Variants in PRG4 observed in about 807,000 individuals in gnomAD.
PRG4 encodes proteoglycan 4.
In PRG4, 61 loss-of-function variants were observed where a neutral mutation model predicts 91.2. The observed-to-expected ratio is 0.67, with a 90% confidence interval of 0.54 to 0.83. The LOEUF is 0.83. Ranked by LOEUF, PRG4 falls within the 40% of genes least tolerant of loss-of-function variation. The pLI is 0.00. For synonymous variants in PRG4, 576 were observed against 614.2 expected, an observed-to-expected ratio of 0.94 and a Z score of 0.92; for missense variants, 1,564 against 1,714.2, an observed-to-expected ratio of 0.91 and a Z score of 1.55.
At position 186,306,639 on chromosome 1, in the gene PRG4, C is replaced by A; in HGVS notation, c.920C>A (p.Ala307Asp). ...GATGGAAAAGAGAAGACTACTTCCG[C>A]TAAAGAGACACAAAGTATAGAGAAA... ...STDGKEKTTSAKETQSIEKTS... is the reference protein window; with the variant it reads ...STDGKEKTTSDKETQSIEKTS... Residue 307 changes from alanine to aspartate, a missense_variant, in exon 7 of 13, where the codon GCT (alanine) becomes GAT (aspartate). Ala to Asp is a moderately radical substitution (Grantham distance 126, BLOSUM62 -2). Coordinates refer to ENST00000445192, the MANE Select transcript of PRG4 (RefSeq NM_005807.6). 2 of 1,613,552 alleles carry A rather than the reference C, an allele frequency of 1.2e-6. No homozygotes were observed. Among genetic ancestry groups the A allele is most frequent in the Non-Finnish European group, 1.7e-6 (2 of 1,179,682 alleles).
rs558034730 is a variant in PRG4 at position 186,306,357 on chromosome 1, C to T, written c.638C>T (p.Thr213Ile). Reference sequence around the variant, plus strand: ...AAGAACAGAACTAAAAAGAAACCTACCCCCAAACCACCAGTTGTAGATGAA... The same window carrying T: ...AAGAACAGAACTAAAAAGAAACCTATCCCCAAACCACCAGTTGTAGATGAA... ...NKKNRTKKKP[T>I]PKPPVVDEAG... Residue 213 changes from threonine (T) to isoleucine (I), a missense_variant, in exon 7 of 13, where the codon ACC (threonine) becomes ATC (isoleucine). By Grantham distance (89) the Thr-to-Ile change is moderately conservative. This residue lies in a region of PRG4 where 437 missense variants were observed against 459.0 expected (regional missense o/e 0.95). Coordinates refer to ENST00000445192, the MANE Select transcript of PRG4 (RefSeq NM_005807.6). The T allele has an allele frequency of 5.0e-6, 8 of 1,608,872 alleles. No homozygotes were observed. Among genetic ancestry groups the T allele is most frequent in the Middle Eastern group, 1.7e-4 (1 of 6,058 alleles).
intron 3 of PRG4, among the ~76,000 whole-genome samples, chr1:186,300,610 A>G (rs1332740304): frequency 1.3e-5 from 2 of 152,258 alleles, no homozygotes; most frequent in Non-Finnish European, 2.9e-5. Flanking sequence ...AGGACTTTCA[A>G]TAGTTTCATC....
chr1:186,304,653 G>A (rs1656429634), intron 5 of PRG4, 141 bp from the exon 6 acceptor site: 1 of 1,009,096 alleles, frequency 9.9e-7, no homozygotes, highest in Admixed American at 2.2e-5. Context: ...AGATTAAAAG[G>A]CAGTTGGTCA....
chr1:186,298,692 T>C (rs1656008878), intron 2 of PRG4, among the ~76,000 whole-genome samples: 1 of 152,012 alleles, frequency 6.6e-6, no homozygotes, highest in Non-Finnish European at 1.5e-5. Context: ...GTTTTCACCA[T>C]GTTGGCCAGG....
chr1:186,304,044 TC>T, intron 4 of PRG4, 63 bp from the exon 5 acceptor site: 7 of 1,566,064 alleles, frequency 4.5e-6, no homozygotes, highest in Non-Finnish European at 6.2e-6. Context: ...TCTGTGCTTT[TC>T]ACAGTTAGAG....
At chr1:186,310,054 A>G (rs942467860) in intron 8 of PRG4, among the ~76,000 whole-genome samples, 184 bp downstream of exon 8, 1 of 149,222 alleles carries the variant, frequency 6.7e-6, no homozygotes, top group South Asian at 2.2e-4. Context: ...AGACAAAGTA[A>G]CAAAACAAAA....
chr1:186,313,056 C>A, intron 12 of PRG4, 162 bp downstream of exon 12: 3 of 735,174 alleles, frequency 4.1e-6, no homozygotes, highest in Non-Finnish European at 6.7e-6. Flanking sequence ...GCTTTAATTT[C>A]AATTAAAATG....
At position 186,301,694 on chromosome 1, in the gene PRG4, A is replaced by G. The variant is rs1656229560; in HGVS notation, c.302A>G (p.Glu101Gly). The change falls in exon 4 of 13, where the codon GAG becomes GGG. Residue 101 changes from glutamate (E) to glycine (G), a missense_variant. Coordinates refer to ENST00000445192, the MANE Select transcript of PRG4 (RefSeq NM_005807.6). Reference sequence around the variant, plus strand: ...TATGACAAGTGCTGTCCCGATTATGAGAGTTTCTGTGCAGAAGGTAAGCAT... The same window carrying G: ...TATGACAAGTGCTGTCCCGATTATGGGAGTTTCTGTGCAGAAGGTAAGCAT... ...KKYDKCCPDY[E>G]SFCAEVHNPT... 6.2e-7 allele frequency: 1 copy of G among 1,613,800 alleles called. No individual in the cohort carries two copies. Among genetic ancestry groups the G allele is most frequent in the South Asian group, 1.1e-5 (1 of 91,080 alleles).
chr1:186,301,784 A>G (rs1003406746), intron 4 of PRG4, 73 bp downstream of exon 4: 23 of 1,535,244 alleles, frequency 1.5e-5, no homozygotes, highest in Non-Finnish European at 2.0e-5. Context: ...ATCACTGATA[A>G]TGTCTAACAC....
At chr1:186,299,594 C>A (rs1656070978) in intron 2 of PRG4, among the ~76,000 whole-genome samples, 2 of 152,112 alleles carry the variant, frequency 1.3e-5, no homozygotes, top group South Asian at 4.1e-4. Flanking sequence ...CCTATGATGC[C>A]AATATACTGG....
chr1:186,313,869 G>A lies in PRG4; in HGVS notation c.*91G>A. The stretch of plus-strand genomic sequence containing the variant: ...TTTTATTAATAAAGAATATTGACAT[G>A]AGTATACCAGTTTATATATAAAAAT... On this transcript the variant is annotated 3_prime_UTR_variant, in exon 13 of 13. Coordinates refer to ENST00000445192, the MANE Select transcript of PRG4 (RefSeq NM_005807.6). 3 of 1,452,092 alleles carry A rather than the reference G, an allele frequency of 2.1e-6. No homozygotes were observed. The highest frequency in any genetic ancestry group is 2.9e-6 in the Non-Finnish European group (3 of 1,034,670). The allele number at this position is 1,452,092 out of a possible 1,614,324, so 90.0% of individuals were successfully genotyped here. A position where few individuals can be genotyped will look rare whatever the true frequency, so the allele number is the denominator to read the frequency against.
In PRG4 at chr1:186,310,657, A is replaced by ATTTT. The variant is rs746583527; in HGVS notation, c.3500-371_3500-368dup. ...ACCACCATGCCTGGCTAATTTTTGTATTTTTTTTTGTATTTTTTTTTTTTT... is the reference window on the plus strand; with the variant it reads ...ACCACCATGCCTGGCTAATTTTTGTATTTTTTTTTTTTTGTATTTTTTTTTTTTT... On this transcript the variant is annotated intron_variant, in intron 8 of 12. Coordinates refer to ENST00000445192, the MANE Select transcript of PRG4 (RefSeq NM_005807.6). 2.5e-3 allele frequency among the ~76,000 whole-genome samples: 335 copies of ATTTT among 135,778 alleles called. 4 individuals carry two copies. Among genetic ancestry groups the ATTTT allele is most frequent in the Non-Finnish European group, 3.0e-3 (194 of 64,084 alleles). The allele number at this position is 135,778 out of a possible 152,430, so 89.1% of individuals were successfully genotyped here. A position where few individuals can be genotyped will look rare whatever the true frequency, so the allele number is the denominator to read the frequency against.
Position 186,309,832 on chromosome 1 carries a change from T to G in PRG4, c.3461T>G (p.Leu1154Arg), listed in dbSNP as rs1306187214. ...NICNGKPVDGLTTLRNGTLVA... is the reference protein window; with the variant it reads ...NICNGKPVDGRTTLRNGTLVA... ...TGCAATGGTAAGCCAGTAGATGGAC[T>G]GACTACTTTGCGCAATGGGACATTA... The change falls in exon 8 of 13, where the codon CTG (leucine) becomes CGG (arginine). Residue 1154 changes from leucine to arginine, a missense_variant. Leu to Arg is a moderately radical substitution (Grantham distance 102). Coordinates refer to ENST00000445192, the MANE Select transcript of PRG4 (RefSeq NM_005807.6). 2 of 1,613,860 alleles carry G rather than the reference T, an allele frequency of 1.2e-6. No homozygotes were observed. Among genetic ancestry groups the G allele is most frequent in the Non-Finnish European group, 1.7e-6 (2 of 1,179,814 alleles).
intron 7 of PRG4, 41 bp from the exon 8 acceptor site, chr1:186,309,752 A>G (rs775289313): frequency 7.2e-7 from 1 of 1,396,302 alleles, no homozygotes; most frequent in Admixed American, 1.7e-5. Context: ...GACTTTTCTC[A>G]TTCTGTTCTA....
intron 12 of PRG4, 54 bp from the exon 13 acceptor site, chr1:186,313,627 T>C (rs1414022732): frequency 2.0e-6 from 2 of 1,023,846 alleles, no homozygotes; most frequent in Non-Finnish European, 3.1e-6. Context: ...AGTTATTTTT[T>C]AGTTTGGGCA....
intron 4 of PRG4, 30 bp from the exon 5 acceptor site, chr1:186,304,078 T>G (rs779636714): frequency 1.2e-6 from 2 of 1,611,592 alleles, no homozygotes; most frequent in African/African-American, 2.7e-5. Flanking sequence ...ATAAACAAGA[T>G]GTTAACTGAC....
At chr1:186,312,031 C>A in intron 10 of PRG4, 144 bp from the exon 11 acceptor site, 1 of 655,316 alleles carries the variant, frequency 1.5e-6, no homozygotes, top group Non-Finnish European at 2.6e-6. Flanking sequence ...ATACCCTTGA[C>A]TAATAGCCAT....
chr1:186,309,644 T>C (rs969411456), intron 7 of PRG4, 149 bp from the exon 8 acceptor site: 1 of 662,590 alleles, frequency 1.5e-6, no homozygotes. Context: ...AATTATCAAG[T>C]ATATAACTAT....
intron 2 of PRG4, among the ~76,000 whole-genome samples, chr1:186,298,730 G>T (rs1024162896): frequency 4.0e-5 from 6 of 151,844 alleles, no homozygotes; most frequent in Non-Finnish European, 7.4e-5. Flanking sequence ...CAGGTGATCC[G>T]CCCGCCTCAG....
Sources: gnomAD v4.1 joint callset for allele counts (sites outside exome capture counted in the v4.1 genomes callset) on GRCh38, gnomAD v4.1.1 for gene constraint, gnomAD v4.1.1 regional missense constraint, MANE v1.5 for transcripts, NCBI Gene and HGNC (gene_info 2026-07-23, HGNC 2026-07-21) for gene names.